EPS15: variants seen among roughly 807,000 people sequenced by gnomAD.
The protein encoded by EPS15 is epidermal growth factor receptor pathway substrate 15.
A neutral mutation model predicts 113.8 loss-of-function variants in EPS15; 72 were observed. The ratio of observed to expected loss-of-function variants is 0.63; its 90% CI spans 0.52 to 0.77. The LOEUF is 0.77. Among genes scored for constraint, EPS15 ranks in the 30% least tolerant of loss-of-function variants. The pLI, the probability that EPS15 is intolerant of heterozygous loss-of-function variation, is 0.00. For missense variants in EPS15, 1,048 were observed against 1,045.8 expected, an observed-to-expected ratio of 1.00 and a Z score of -0.03; for synonymous variants, 344 against 363.4, an observed-to-expected ratio of 0.95 and a Z score of 0.61.
intron 21 of EPS15, among the ~76,000 whole-genome samples, chr1:51,373,670 C>T (rs982338919): frequency 2.0e-5 from 3 of 152,318 alleles, no homozygotes; most frequent in African/African-American, 7.2e-5. Flanking sequence ...GTAGTTCTGG[C>T]ATTCTCAGGA....
At chr1:51,515,720 A>T (rs1417923301) in intron 1 of EPS15, among the ~76,000 whole-genome samples, 1 of 152,258 alleles carries the variant, frequency 6.6e-6, no homozygotes, top group Non-Finnish European at 1.5e-5. Context: ...ACAATGGCAT[A>T]TGCCGAAAAA....
chr1:51,496,923 C>G (rs1001218064), intron 1 of EPS15, among the ~76,000 whole-genome samples: 1 of 152,108 alleles, frequency 6.6e-6, no homozygotes, highest in Admixed American at 6.6e-5. Context: ...CACTTCGATT[C>G]TGAGTTCTAG....
chr1:51,408,973 T>G (rs12058533), intron 14 of EPS15, among the ~76,000 whole-genome samples: 9,583 of 152,156 alleles, frequency 0.063, 965 homozygotes, highest in African/African-American at 0.21. Flanking sequence ...TAATTTTTTG[T>G]ATTTTTAGTA....
intron 8 of EPS15, among the ~76,000 whole-genome samples, chr1:51,455,058 T>C (rs77488555): frequency 0.044 from 6,718 of 152,252 alleles, 229 homozygotes; most frequent in Middle Eastern, 0.099. Flanking sequence ...ACAAAAATCA[T>C]GAGCATAGGC....
chr1:51,493,023 C>T (rs575916274), intron 1 of EPS15, among the ~76,000 whole-genome samples: 5 of 149,412 alleles, frequency 3.3e-5, no homozygotes, highest in African/African-American at 4.9e-5. Context: ...ATCAGGAGTT[C>T]GAGACCATCC....
At chr1:51,394,550 T>A (rs1647723362) in intron 20 of EPS15, 103 bp from the exon 21 acceptor site, 1 of 589,268 alleles carries the variant, frequency 1.7e-6, no homozygotes, top group South Asian at 3.1e-5. Flanking sequence ...CTTAATTAAT[T>A]AAGGAATATA....
At chr1:51,472,694 A>T (rs1655326877) in intron 3 of EPS15, among the ~76,000 whole-genome samples, 165 bp downstream of exon 3, 1 of 152,194 alleles carries the variant, frequency 6.6e-6, no homozygotes, top group African/African-American at 2.4e-5. Context: ...CAAGAGGGTA[A>T]ATCACTACGC....
chr1:51,508,662 AAT>A (rs939832792), intron 1 of EPS15, among the ~76,000 whole-genome samples: 1 of 152,080 alleles, frequency 6.6e-6, no homozygotes, highest in Non-Finnish European at 1.5e-5. Context: ...ACTCTGTTAA[AAT>A]ATATATATAA....
At chr1:51,502,798 A>G (rs1644435449) in intron 1 of EPS15, among the ~76,000 whole-genome samples, 1 of 152,126 alleles carries the variant, frequency 6.6e-6, no homozygotes, top group African/African-American at 2.4e-5. Flanking sequence ...TGAGGTCAGG[A>G]GTCCGAAAGC....
chr1:51,478,030 A>G (rs928627694), intron 2 of EPS15, among the ~76,000 whole-genome samples: 22 of 152,118 alleles, frequency 1.4e-4, no homozygotes, highest in Non-Finnish European at 3.2e-4. Flanking sequence ...TGTCTCACTG[A>G]TCTGACTAAT....
chr1:51,364,309 T>C (rs1410462694), intron 22 of EPS15, among the ~76,000 whole-genome samples: 2 of 152,236 alleles, frequency 1.3e-5, no homozygotes, highest in East Asian at 3.9e-4. Flanking sequence ...TCAGGAAATA[T>C]TCAATGCAAA....
chr1:51,422,722 C>T (rs535419450), intron 12 of EPS15, among the ~76,000 whole-genome samples: 8 of 152,384 alleles, frequency 5.2e-5, no homozygotes, highest in South Asian at 4.1e-4. Flanking sequence ...TGCGTGCACA[C>T]GCACACACAA....
At chr1:51,357,864 C>T (rs1202829469) in intron 24 of EPS15, among the ~76,000 whole-genome samples, 10 of 151,604 alleles carry the variant, frequency 6.6e-5, no homozygotes, top group Admixed American at 2.0e-4. Context: ...CTCAGCCTCC[C>T]GAGTAGCTGG....
intron 1 of EPS15, among the ~76,000 whole-genome samples, chr1:51,484,811 T>C (rs1043426786): frequency 6.6e-6 from 1 of 152,230 alleles, no homozygotes; most frequent in Non-Finnish European, 1.5e-5. Context: ...CAGTGGCATG[T>C]ACAGTGACCA....
chr1:51,387,592 A>G (rs1489764464), intron 21 of EPS15, among the ~76,000 whole-genome samples: 1 of 152,212 alleles, frequency 6.6e-6, no homozygotes, highest in Non-Finnish European at 1.5e-5. Context: ...GTGCAGAGAC[A>G]CACATAGGCT....
chr1:51,449,134 C>T (rs1363519577), intron 8 of EPS15, among the ~76,000 whole-genome samples: 1 of 152,102 alleles, frequency 6.6e-6, no homozygotes, highest in Admixed American at 6.6e-5. Context: ...AAGACATATG[C>T]ACACATATGT....
chr1:51,391,310 T>G lies in EPS15; in HGVS notation c.2119+3071A>C, dbSNP rs561248779. The stretch of plus-strand genomic sequence containing the variant: ...AGGGGAACATCACACACCATGGCCT[T>G]TCGTGGGTTGGGGGGAAGGGGGAGG... On this transcript the variant is annotated intron_variant, in intron 21 of 24. Transcript: ENST00000371733. Among the ~76,000 whole-genome samples the G allele has an allele frequency of 1.0e-3, 159 of 151,836 alleles. 1 individual carries two copies. Among genetic ancestry groups the G allele is most frequent in the African/African-American group, 3.7e-3 (154 of 41,414 alleles).
chr1:51,364,395 G>GA (rs912053116), intron 22 of EPS15, among the ~76,000 whole-genome samples: 2 of 151,142 alleles, frequency 1.3e-5, no homozygotes, highest in African/African-American at 2.4e-5. Flanking sequence ...GTAATCAAAG[G>GA]AAAAAAAATG....
At chr1:51,388,696 G>T (rs1399957903) in intron 21 of EPS15, among the ~76,000 whole-genome samples, 5 of 152,168 alleles carry the variant, frequency 3.3e-5, no homozygotes, top group Non-Finnish European at 5.9e-5. Flanking sequence ...ACACCTCTAT[G>T]CAAATAAACT....
Sources: gnomAD v4.1 joint callset for allele counts (sites outside exome capture counted in the v4.1 genomes callset) on GRCh38, gnomAD v4.1.1 for gene constraint, MANE v1.5 for transcripts, NCBI Gene and HGNC (gene_info 2026-07-23, HGNC 2026-07-21) for gene names.